The following JAKMIP3 variants were observed in gnomAD, a reference collection of about 807,000 sequenced individuals.
The protein encoded by JAKMIP3 is janus kinase and microtubule-interacting protein 3.
In JAKMIP3, 58 loss-of-function variants were observed where a neutral mutation model predicts 118.5. The ratio of observed to expected loss-of-function variants is 0.49; its 90% CI spans 0.40 to 0.61. The LOEUF is 0.61. JAKMIP3 is among the 20% of genes least tolerant of loss of function. The probability of loss-of-function intolerance (pLI) is 0.00; values close to 1 mark genes in which losing one functional copy is unlikely to be tolerated. For synonymous variants in JAKMIP3, 486 were observed against 451.2 expected, an observed-to-expected ratio of 1.08 and a Z score of -0.98; for missense variants, 950 against 1,109.0, an observed-to-expected ratio of 0.86 and a Z score of 2.04.
chr10:132,139,336 ATG>A lies in JAKMIP3; in HGVS notation c.1345-1109_1345-1108del, dbSNP rs1441960430. On this transcript the variant is annotated intron_variant, in intron 9 of 23. Transcript: ENST00000684848. ...TGTATGTGTATGTGTGTGTGTTTGT[ATG>A]TGTGTACATGTGAGTGTATATGCGT... Among the ~76,000 whole-genome samples, 125 of 139,704 alleles carry A rather than the reference ATG, an allele frequency of 8.9e-4. 9 individuals carry two copies. The highest frequency in any genetic ancestry group is 3.2e-3 in the African/African-American group (115 of 35,770). 91.7% of individuals were successfully genotyped at this position (139,704 alleles called of 152,430 possible). A position where few individuals can be genotyped will look rare whatever the true frequency, so the allele number is the denominator to read the frequency against.
At chr10:132,090,460 T>G (rs2042959403) in intron 1 of JAKMIP3, among the ~76,000 whole-genome samples, 1 of 152,234 alleles carries the variant, frequency 6.6e-6, no homozygotes, top group African/African-American at 2.4e-5. Flanking sequence ...TGTCCAGGAA[T>G]TCATCCGTTT....
intron 3 of JAKMIP3, among the ~76,000 whole-genome samples, chr10:132,123,602 G>C (rs752291973): frequency 6.6e-6 from 1 of 152,184 alleles, no homozygotes; most frequent in Non-Finnish European, 1.5e-5. Context: ...GCCTGGAGAC[G>C]GGTGTCAGGT....
intron 1 of JAKMIP3, among the ~76,000 whole-genome samples, chr10:132,093,394 T>G (rs1448340999): frequency 6.6e-6 from 1 of 151,478 alleles, no homozygotes; most frequent in Non-Finnish European, 1.5e-5. Flanking sequence ...AGGCAGGCCT[T>G]CTTCCTGGCA....
At chr10:132,094,631 AC>A in intron 1 of JAKMIP3, among the ~76,000 whole-genome samples, 1 of 151,980 alleles carries the variant, frequency 6.6e-6, no homozygotes, top group South Asian at 2.1e-4. Context: ...GGACACCAGC[AC>A]CTGTTCCGGT....
chr10:132,099,567 G>A (rs2044504568), intron 1 of JAKMIP3, among the ~76,000 whole-genome samples: 1 of 152,196 alleles, frequency 6.6e-6, no homozygotes, highest in Admixed American at 6.5e-5. Context: ...CGGGGGTTTG[G>A]GGAGGCCCTG....
At chr10:132,097,452 G>A (rs2044040470) in intron 1 of JAKMIP3, among the ~76,000 whole-genome samples, 1 of 149,978 alleles carries the variant, frequency 6.7e-6, no homozygotes, top group Admixed American at 6.6e-5. Flanking sequence ...CTCTCGGGAG[G>A]TCGCCTACTG....
At chr10:132,163,748 A>G (rs2058618415) in intron 20 of JAKMIP3, among the ~76,000 whole-genome samples, 1 of 152,036 alleles carries the variant, frequency 6.6e-6, no homozygotes, top group Admixed American at 6.5e-5. Flanking sequence ...TGCCTCCCCT[A>G]CCAGCCTAGT....
chr10:132,133,362 G>C lies in JAKMIP3; in HGVS notation c.684G>C (p.Glu228Asp), dbSNP rs1360295971. 2 of 1,602,666 alleles carry C rather than the reference G, an allele frequency of 1.2e-6. No individual in the cohort carries two copies. The highest frequency in any genetic ancestry group is 8.5e-7 in the Non-Finnish European group (1 of 1,174,602). ...GAGCAGTCTTCGTGCTGGAGAGAGAGTTAGGGGTTCAAGCCGGGCATGCTC... is the reference window on the plus strand; with the variant it reads ...GAGCAGTCTTCGTGCTGGAGAGAGACTTAGGGGTTCAAGCCGGGCATGCTC... ...KDRAVFVLER[E>D]LGVQAGHAQR... Residue 228 changes from glutamate (E) to aspartate (D), a missense_variant, in exon 4 of 24, where the codon GAG (glutamate) becomes GAC (aspartate). Physicochemically the swap from Glu to Asp is conservative, Grantham distance 45. Coordinates refer to ENST00000684848, the MANE Select transcript of JAKMIP3 (RefSeq NM_001323087.2).
rs2053242111 is a variant in JAKMIP3, at chr10:132,140,369, T to C, written c.1345-82T>C. 3.8e-6 allele frequency: 6 copies of C among 1,558,506 alleles called. No homozygotes were observed. The Admixed American group carries it at 8.6e-5, about 22-fold the overall frequency. ...CAGGGTGGGGCTGCGGCCCCCACCG[T>C]TGGGCAGCGGGAGGAGGCGGCGGGA... On this transcript the variant is annotated intron_variant, in intron 9 of 23. Transcript: ENST00000684848.
chr10:132,094,866 A>G (rs974912535), intron 1 of JAKMIP3, among the ~76,000 whole-genome samples: 6 of 151,716 alleles, frequency 4.0e-5, no homozygotes, highest in African/African-American at 9.7e-5. Flanking sequence ...GGGCGGGGCC[A>G]GTGTCTGAGC....
intron 2 of JAKMIP3, among the ~76,000 whole-genome samples, chr10:132,114,904 A>G (rs1368974941): frequency 6.6e-6 from 1 of 152,146 alleles, no homozygotes; most frequent in African/African-American, 2.4e-5. Flanking sequence ...TTATTTGCTG[A>G]TGATATATAG....
chr10:132,161,497 G>GA (rs1353489223), intron 19 of JAKMIP3, among the ~76,000 whole-genome samples: 2 of 66,212 alleles, frequency 3.0e-5, no homozygotes, highest in African/African-American at 6.2e-5. Context: ...ATGCTGGGGG[G>GA]GTCTCTTCCT....
At chr10:132,169,191 G>A (rs543361204) in intron 23 of JAKMIP3, among the ~76,000 whole-genome samples, 158 bp downstream of exon 23, 1 of 152,204 alleles carries the variant, frequency 6.6e-6, no homozygotes, top group Non-Finnish European at 1.5e-5. Flanking sequence ...CCACTGACGG[G>A]ACAGGGCCTG....
Position 132,136,036 on chromosome 10 carries a change from A to G in JAKMIP3, c.1076A>G (p.Glu359Gly). ...TTGTCTCATGCTTTACGCCGAATGG[A>G]AAACAAGTTAAAATTTGTCACCCAG... ...EDLSHALRRM[E>G]NKLKFVTQEN... Residue 359 changes from glutamate (E) to glycine (G), a missense_variant, in exon 6 of 24, where the codon GAA (glutamate) becomes GGA (glycine). Glu to Gly is a moderately conservative substitution (Grantham distance 98). Transcript: ENST00000684848. 6.2e-7 allele frequency: 1 copy of G among 1,613,752 alleles called. No individual in the cohort carries two copies. Among genetic ancestry groups the G allele is most frequent in the Non-Finnish European group, 8.5e-7 (1 of 1,179,866 alleles).
intron 1 of JAKMIP3, among the ~76,000 whole-genome samples, chr10:132,058,901 C>T (rs974711557): frequency 2.8e-4 from 42 of 152,240 alleles, no homozygotes; most frequent in Admixed American, 7.2e-4. Flanking sequence ...GGATTCCGGA[C>T]GGAGCTTCTT....
rs563766349 is a variant in JAKMIP3 at position 132,099,554 on chromosome 10, C to T, written c.-137-5118C>T. Among the ~76,000 whole-genome samples the T allele has an allele frequency of 2.2e-3, 338 of 152,316 alleles. 2 individuals carry two copies. Among genetic ancestry groups the T allele is most frequent in the Non-Finnish European group, 4.4e-3 (301 of 68,032 alleles). ...CTGTGCAGCAGAGGAAGCACTCTGTCTACGGGGGTTTGGGGAGGCCCTGGT... is the reference window on the plus strand; with the variant it reads ...CTGTGCAGCAGAGGAAGCACTCTGTTTACGGGGGTTTGGGGAGGCCCTGGT... On this transcript the variant is annotated intron_variant, in intron 1 of 23. Transcript: ENST00000684848.
intron 1 of JAKMIP3, among the ~76,000 whole-genome samples, chr10:132,097,687 T>C (rs1367164838): frequency 6.6e-6 from 1 of 151,842 alleles, no homozygotes; most frequent in Non-Finnish European, 1.5e-5. Flanking sequence ...GGAAAGGGGA[T>C]GTGCGGCATC....
chr10:132,160,139 G>A (rs1204778288), intron 19 of JAKMIP3, among the ~76,000 whole-genome samples: 42 of 49,062 alleles, frequency 8.6e-4, no homozygotes, highest in African/African-American at 2.8e-3. Context: ...GCTGGGGGGG[G>A]TCTCTTCCTG....
intron 3 of JAKMIP3, among the ~76,000 whole-genome samples, chr10:132,125,237 G>A (rs1038088173): frequency 8.6e-5 from 13 of 151,608 alleles, no homozygotes; most frequent in African/African-American, 2.2e-4. Flanking sequence ...GTCCGAGTTC[G>A]GTTTTTGTGA....
Sources: allele counts gnomAD v4.1 joint callset (sites outside exome capture counted in the v4.1 genomes callset), GRCh38; gene constraint gnomAD v4.1.1; transcripts MANE v1.5; gene names NCBI Gene and HGNC (gene_info 2026-07-23, HGNC 2026-07-21).